The following RYR2 variants were observed in gnomAD, a reference collection of about 807,000 sequenced individuals.
The protein encoded by RYR2 is ryanodine receptor 2.
Under a neutral mutation model 601.1 loss-of-function variants are expected in RYR2, and 227 were observed. The observed-to-expected ratio is 0.38, with a 90% CI of 0.34 to 0.42. The LOEUF (loss-of-function observed/expected upper bound fraction) is 0.42. RYR2 is among the 10% of genes least tolerant of loss of function. The pLI, the probability that RYR2 is intolerant of heterozygous loss-of-function variation, is 1.00. For missense variants in RYR2, 4,646 were observed against 6,156.5 expected, an observed-to-expected ratio of 0.75 and a Z score of 8.21; for synonymous variants, 2,223 against 2,175.1, an observed-to-expected ratio of 1.02 and a Z score of -0.61.
rs869025514 is a variant in RYR2, at chr1:237,784,842, C to T, written c.13130C>T (p.Ser4377Leu). 6.2e-6 allele frequency: 10 copies of T among 1,613,780 alleles called. No individual in the cohort carries two copies. Among genetic ancestry groups the T allele is most frequent in the Non-Finnish European group, 8.5e-6 (10 of 1,179,782 alleles). Residue 4377 changes from serine (S) to leucine (L), a missense_variant, in exon 90 of 105, where the codon TCG becomes TTG. Physicochemically the swap from Ser to Leu is moderately radical, Grantham distance 145. This residue lies in a region of RYR2 where 364 missense variants were observed against 442.9 expected (regional missense o/e 0.82). Coordinates refer to ENST00000366574, the MANE Select transcript of RYR2 (RefSeq NM_001035.3). The surrounding 1 kb of genome is among the most constrained non-coding windows in gnomAD (Gnocchi z 7.1). ...KELTEESDLL[S>L]DIFGLDLKRE... ...CTGACAGAGGAAAGTGACCTTCTTT[C>T]GGACATCTTTGGCCTGGATCTGAAG...
intron 12 of RYR2, among the ~76,000 whole-genome samples, chr1:237,430,143 C>T (rs896169938): frequency 6.7e-6 from 1 of 149,232 alleles, no homozygotes; most frequent in Non-Finnish European, 1.5e-5. Flanking sequence ...ACATATATGA[C>T]ATCTATATAA....
chr1:237,691,590 T>A (rs903293893), intron 63 of RYR2, among the ~76,000 whole-genome samples: 4 of 152,204 alleles, frequency 2.6e-5, no homozygotes, highest in Non-Finnish European at 4.4e-5. Flanking sequence ...GGAATTAAGA[T>A]AATAGTGTTT....
intron 12 of RYR2, among the ~76,000 whole-genome samples, chr1:237,439,802 A>C (rs1482056885): frequency 6.7e-6 from 1 of 148,690 alleles, no homozygotes; most frequent in Non-Finnish European, 1.5e-5. Context: ...AATAGTCTAG[A>C]CACAAACCAA....
At chr1:237,181,144 C>T (rs918599569) in intron 1 of RYR2, among the ~76,000 whole-genome samples, 1 of 151,956 alleles carries the variant, frequency 6.6e-6, no homozygotes, top group Non-Finnish European at 1.5e-5. Context: ...CCACCATGCC[C>T]TGCTAATTTT....
At chr1:237,376,168 T>G (rs1229482455) in intron 7 of RYR2, among the ~76,000 whole-genome samples, 1 of 152,212 alleles carries the variant, frequency 6.6e-6, no homozygotes, top group African/African-American at 2.4e-5. Context: ...TGTAAAAATG[T>G]GAATTGGATG....
Position 237,832,987 on chromosome 1 carries a change from T to TTTTTAATGATAC in RYR2, c.*340_*341insTTTTAATGATAC. 2.2e-5 allele frequency: 4 copies of TTTTTAATGATAC among 179,064 alleles called. No individual in the cohort carries two copies. The highest frequency in any genetic ancestry group is 2.9e-4 in the South Asian group (2 of 6,840). 11.1% of individuals were successfully genotyped at this position (179,064 alleles called of 1,614,324 possible). A position where few individuals can be genotyped will look rare whatever the true frequency, so the allele number is the denominator to read the frequency against. On this transcript the variant is annotated 3_prime_UTR_variant, in exon 105 of 105. Transcript: ENST00000366574. ...GCTACGAGACCTTCACAGAGACACGTGGCAGCCACACTCACCCAGCCTCTT... is the reference window on the plus strand; with the variant it reads ...GCTACGAGACCTTCACAGAGACACGTTTTTAATGATACGGCAGCCACACTCACCCAGCCTCTT...
chr1:237,529,836 G>A (rs1553486193), intron 24 of RYR2, among the ~76,000 whole-genome samples: 1 of 149,084 alleles, frequency 6.7e-6, no homozygotes, highest in Non-Finnish European at 1.5e-5. Flanking sequence ...AGACTCCCCA[G>A]CAGGATATCG....
chr1:237,604,456 A>T (rs955376459), intron 35 of RYR2, among the ~76,000 whole-genome samples: 1 of 152,230 alleles, frequency 6.6e-6, no homozygotes, highest in African/African-American at 2.4e-5. Context: ...ACTAATGCCC[A>T]CAAGAGAGAG....
chr1:237,243,804 T>C (rs770910765), intron 1 of RYR2, among the ~76,000 whole-genome samples: 29 of 152,128 alleles, frequency 1.9e-4, no homozygotes, highest in Non-Finnish European at 4.0e-4. Context: ...CAATAGGAGT[T>C]ATGAGCCAGG....
At chr1:237,200,477 C>G (rs1681071896) in intron 1 of RYR2, among the ~76,000 whole-genome samples, 2 of 152,192 alleles carry the variant, frequency 1.3e-5, no homozygotes, top group African/African-American at 4.8e-5. Flanking sequence ...ATTTGCCAGG[C>G]TGGTCTTGAA....
intron 24 of RYR2, among the ~76,000 whole-genome samples, chr1:237,517,420 T>G (rs1402552881): frequency 2.6e-5 from 4 of 152,196 alleles, no homozygotes; most frequent in Non-Finnish European, 5.9e-5. Flanking sequence ...TCTTTTTGCT[T>G]CCCTGGGCCA....
At chr1:237,437,447 A>G (rs147760534) in intron 12 of RYR2, among the ~76,000 whole-genome samples, 58 of 152,324 alleles carry the variant, frequency 3.8e-4, no homozygotes, top group African/African-American at 1.3e-3. Flanking sequence ...GTAGTTTGTC[A>G]GCACAGTTTT....
At chr1:237,381,386 C>A (rs1300202251) in intron 8 of RYR2, among the ~76,000 whole-genome samples, 2 of 151,158 alleles carry the variant, frequency 1.3e-5, no homozygotes, top group Admixed American at 6.6e-5. Context: ...CATGTGAAAG[C>A]AAGGTTCATC....
At chr1:237,178,401 T>G (rs1678301563) in intron 1 of RYR2, among the ~76,000 whole-genome samples, 1 of 148,810 alleles carries the variant, frequency 6.7e-6, no homozygotes, top group Non-Finnish European at 1.5e-5. Context: ...TTAAGGCTCT[T>G]TTGTAGTTAA....
intron 94 of RYR2, 131 bp downstream of exon 94, chr1:237,792,454 T>C (rs1658565993): frequency 1.7e-6 from 1 of 596,882 alleles, no homozygotes; most frequent in South Asian, 2.8e-5. Flanking sequence ...GGGAAGCAGA[T>C]TCTGAGCTGG....
intron 27 of RYR2, among the ~76,000 whole-genome samples, chr1:237,552,537 A>G (rs57646193): frequency 0.28 from 42,979 of 151,872 alleles, 6,243 homozygotes; most frequent in South Asian, 0.38. Context: ...TTGTGTTCCC[A>G]ACAAAGTAAC....
At position 237,640,997 on chromosome 1, in the gene RYR2, A is replaced by G; in HGVS notation, c.7216A>G (p.Met2406Val). ...IDLLGRCAPE[M>V]HLIHAGKGEA... ...CCTCTTGGGACGCTGTGCTCCTGAG[A>G]TGCATGTGAGTTTCTGGGAGTTCAG... Residue 2406 changes from methionine to valine, a missense_variant, in exon 47 of 105, where the codon ATG (methionine) becomes GTG (valine). Transcript: ENST00000366574. 2 of 1,609,002 alleles carry G rather than the reference A, an allele frequency of 1.2e-6. No homozygotes were observed. Among genetic ancestry groups the G allele is most frequent in the Non-Finnish European group, 8.5e-7 (1 of 1,177,042 alleles).
intron 11 of RYR2, among the ~76,000 whole-genome samples, chr1:237,417,460 T>C (rs987368427): frequency 2.0e-5 from 3 of 152,206 alleles, no homozygotes; most frequent in African/African-American, 7.2e-5. Context: ...ATGTAAGATT[T>C]GGAGACACGA....
chr1:237,191,264 G>A (rs1172048444), intron 1 of RYR2, among the ~76,000 whole-genome samples: 3 of 152,056 alleles, frequency 2.0e-5, no homozygotes, highest in Admixed American at 6.6e-5. Context: ...CTGTTCCATC[G>A]GCCTATATAA....
Sources: allele counts gnomAD v4.1 joint callset (sites outside exome capture counted in the v4.1 genomes callset), GRCh38; gene constraint gnomAD v4.1.1; regional missense constraint gnomAD v4.1.1; non-coding constraint Gnocchi (gnomAD v3.1); transcripts MANE v1.5; gene names NCBI Gene and HGNC (gene_info 2026-07-23, HGNC 2026-07-21).